KL: variants seen among roughly 807,000 people sequenced by gnomAD.
KL encodes klotho.
KL carries 62 observed loss-of-function variants against 84.2 expected under a neutral mutation model. The ratio of observed to expected loss-of-function variants is 0.74; its 90% CI spans 0.60 to 0.91. KL has a LOEUF of 0.91. Among genes scored for constraint, KL ranks in the 40% least tolerant of loss-of-function variants. The pLI, the probability that KL is intolerant of heterozygous loss-of-function variation, is 0.00. For missense variants in KL, 1,261 were observed against 1,305.7 expected (o/e 0.97, Z 0.53); for synonymous variants, 528 against 528.0 (o/e 1.00, Z 0.00).
intron 1 of KL, among the ~76,000 whole-genome samples, chr13:33,026,602 T>C (rs1432218503): frequency 6.6e-6 from 1 of 152,206 alleles, no homozygotes; most frequent in Non-Finnish European, 1.5e-5. Context: ...GAACCATCTT[T>C]ATAACTCCCT....
chr13:33,052,830 TAAAC>T (rs1871803727), intron 1 of KL, among the ~76,000 whole-genome samples: 1 of 152,138 alleles, frequency 6.6e-6, no homozygotes, highest in Non-Finnish European at 1.5e-5. Flanking sequence ...TAAAGGCTGA[TAAAC>T]AACACTTGTA....
At chr13:33,040,283 T>C (rs1432801887) in intron 1 of KL, among the ~76,000 whole-genome samples, 1 of 152,206 alleles carries the variant, frequency 6.6e-6, no homozygotes, top group Non-Finnish European at 1.5e-5. Context: ...AACATCAGGC[T>C]AGTTGGCATG....
intron 4 of KL, among the ~76,000 whole-genome samples, chr13:33,063,646 G>A (rs1872293910): frequency 6.6e-6 from 1 of 151,888 alleles, no homozygotes; most frequent in African/African-American, 2.4e-5. Flanking sequence ...GTGTGGTGGT[G>A]CTCACCTGTA....
chr13:33,026,278 G>A (rs1168877933), intron 1 of KL, among the ~76,000 whole-genome samples: 1 of 152,106 alleles, frequency 6.6e-6, no homozygotes, highest in Non-Finnish European at 1.5e-5. Flanking sequence ...ACTCACAGAA[G>A]CAAGAGGAAA....
At chr13:33,024,649 G>T (rs1176560277) in intron 1 of KL, among the ~76,000 whole-genome samples, 1 of 152,246 alleles carries the variant, frequency 6.6e-6, no homozygotes, top group Admixed American at 6.5e-5. Flanking sequence ...TGCCCTGTCA[G>T]AGCCTCTTGG....
At chr13:33,045,216 C>G (rs1871482151) in intron 1 of KL, among the ~76,000 whole-genome samples, 1 of 152,012 alleles carries the variant, frequency 6.6e-6, no homozygotes, top group South Asian at 2.1e-4. Context: ...TGCAATTTTG[C>G]TGAAATCGTT....
intron 1 of KL, among the ~76,000 whole-genome samples, chr13:33,035,047 T>G (rs993614930): frequency 2.0e-5 from 3 of 152,184 alleles, no homozygotes; most frequent in Non-Finnish European, 2.9e-5. Context: ...AAACTTTGAC[T>G]TAACACCATG....
At chr13:33,040,055 T>C (rs552306386) in intron 1 of KL, among the ~76,000 whole-genome samples, 3 of 152,322 alleles carry the variant, frequency 2.0e-5, no homozygotes, top group South Asian at 4.1e-4. Context: ...CCCCCTTGCA[T>C]TGGTTAAATC....
chr13:33,038,067 C>T (rs544621833), intron 1 of KL, among the ~76,000 whole-genome samples: 2 of 152,324 alleles, frequency 1.3e-5, no homozygotes, highest in African/African-American at 2.4e-5. Flanking sequence ...TTTTCCACAT[C>T]CAGCTGTTCA....
chr13:33,051,530 T>TAAAAC (rs1300935656), intron 1 of KL, among the ~76,000 whole-genome samples: 4 of 152,010 alleles, frequency 2.6e-5, no homozygotes, highest in South Asian at 4.2e-4. Context: ...GACCCAGTCT[T>TAAAAC]AAAACAAAAC....
intron 1 of KL, among the ~76,000 whole-genome samples, chr13:33,020,150 A>G (rs908129735): frequency 6.6e-6 from 1 of 152,192 alleles, no homozygotes; most frequent in African/African-American, 2.4e-5. Context: ...CTTTCACGTA[A>G]GGAAGTAGGG....
chr13:33,059,671 C>A (rs1872096817), intron 3 of KL, among the ~76,000 whole-genome samples: 1 of 152,120 alleles, frequency 6.6e-6, no homozygotes, highest in African/African-American at 2.4e-5. Context: ...TGGGGTTTCA[C>A]CATGTTGGTC....
intron 1 of KL, among the ~76,000 whole-genome samples, chr13:33,050,343 T>G (rs553791): frequency 0.67 from 101,130 of 152,060 alleles, 34,119 homozygotes; most frequent in Admixed American, 0.76. Context: ...ATCATCCTTA[T>G]TTGTTGCAAC....
intron 1 of KL, among the ~76,000 whole-genome samples, chr13:33,028,354 T>A (rs1467210206): frequency 6.6e-6 from 1 of 152,194 alleles, no homozygotes; most frequent in Non-Finnish European, 1.5e-5. Flanking sequence ...ATTTGATACT[T>A]ATCTAAACTG....
chr13:33,063,037 C>T (rs1278422159), intron 4 of KL, among the ~76,000 whole-genome samples: 1 of 152,004 alleles, frequency 6.6e-6, no homozygotes, highest in Non-Finnish European at 1.5e-5. Flanking sequence ...TTTGGGCCCT[C>T]TGACGTCAAA....
chr13:33,027,094 C>A (rs965547063), intron 1 of KL, among the ~76,000 whole-genome samples: 4 of 152,288 alleles, frequency 2.6e-5, no homozygotes, highest in Non-Finnish European at 2.9e-5. Context: ...TGAATTATTT[C>A]TTGTCCTGTG....
intron 1 of KL, among the ~76,000 whole-genome samples, chr13:33,026,678 T>G (rs1870790783): frequency 6.6e-6 from 1 of 152,212 alleles, no homozygotes; most frequent in Admixed American, 6.5e-5. Context: ...ACCATCCCCG[T>G]GGGTGGCAAC....
chr13:33,024,389 A>G (rs781406340), intron 1 of KL, among the ~76,000 whole-genome samples: 3 of 152,096 alleles, frequency 2.0e-5, no homozygotes, highest in Non-Finnish European at 4.4e-5. Context: ...AAGTCGACCT[A>G]TCTCCCCAGC....
rs866379569 is a variant in KL at position 33,058,350 on chromosome 13, T to C, written c.1600-2329T>C. Among the ~76,000 whole-genome samples, 471 of 149,814 alleles carry C rather than the reference T, an allele frequency of 3.1e-3. 3 individuals carry two copies. Among genetic ancestry groups the C allele is most frequent in the Non-Finnish European group, 4.9e-3 (325 of 66,724 alleles). Reference sequence around the variant, plus strand: ...GTCCTGTATTTTCTTTTTTTTTTTTTCTTTTTTTTTGACAGAGTCTTGCTC... The same window carrying C: ...GTCCTGTATTTTCTTTTTTTTTTTTCCTTTTTTTTTGACAGAGTCTTGCTC... On this transcript the variant is annotated intron_variant, in intron 3 of 4. Coordinates refer to ENST00000380099, the MANE Select transcript of KL (RefSeq NM_004795.4).
Sources: allele counts gnomAD v4.1 joint callset (sites outside exome capture counted in the v4.1 genomes callset), GRCh38; gene constraint gnomAD v4.1.1; transcripts MANE v1.5; gene names NCBI Gene and HGNC (gene_info 2026-07-23, HGNC 2026-07-21).